Variants in CCDC102B observed in about 807,000 individuals in gnomAD.
CCDC102B encodes the protein coiled-coil domain-containing protein 102B.
A neutral mutation model predicts 57.4 loss-of-function variants in CCDC102B; 75 were observed. The ratio of observed to expected loss-of-function variants is 1.31; its 90% CI spans 1.08 to 1.58. CCDC102B has a LOEUF of 1.58. CCDC102B is among the 40% of genes most tolerant of loss of function. The pLI, the probability that CCDC102B is intolerant of heterozygous loss-of-function variation, is 0.00. For missense variants in CCDC102B, 636 were observed against 582.6 expected, an observed-to-expected ratio of 1.09 and a Z score of -0.94; for synonymous variants, 206 against 201.9, an observed-to-expected ratio of 1.02 and a Z score of -0.17.
downstream of CCDC102B, among the ~76,000 whole-genome samples, chr18:69,055,797 A>G (rs2052806409): frequency 1.3e-5 from 2 of 152,092 alleles, 1 homozygote; most frequent in African/African-American, 4.8e-5. Context: ...CAATCTCTAG[A>G]TAAAAACACA....
chr18:69,003,012 A>G (rs2051246827), intron 6 of CCDC102B, among the ~76,000 whole-genome samples: 1 of 152,158 alleles, frequency 6.6e-6, no homozygotes, highest in Non-Finnish European at 1.5e-5. Context: ...CTCCAATGCT[A>G]TCTTCCAGTC....
chr18:68,953,137 T>C (rs1209249953), intron 6 of CCDC102B, among the ~76,000 whole-genome samples: 2 of 152,152 alleles, frequency 1.3e-5, no homozygotes, highest in Non-Finnish European at 2.9e-5. Context: ...AGGATGATTA[T>C]ATTTTTACAA....
intron 6 of CCDC102B, among the ~76,000 whole-genome samples, chr18:68,960,232 T>C (rs1485998808): frequency 6.6e-6 from 1 of 152,174 alleles, no homozygotes; most frequent in East Asian, 1.9e-4. Flanking sequence ...GACTGTATCC[T>C]TCCCTTTAAG....
At chr18:68,879,129 CTCGCTGGTT>C in intron 5 of CCDC102B, among the ~76,000 whole-genome samples, 1 of 150,284 alleles carries the variant, frequency 6.7e-6, no homozygotes, top group African/African-American at 2.5e-5. Context: ...GGCTCGTGGT[CTCGCTGGTT>C]TCAGGAGTGA....
chr18:68,879,959 A>C (rs2144952372), intron 5 of CCDC102B, among the ~76,000 whole-genome samples: 1 of 152,350 alleles, frequency 6.6e-6, no homozygotes, highest in East Asian at 1.9e-4. Flanking sequence ...CCAGGGCTGC[A>C]GGTGGAGCTG....
chr18:68,835,924 C>A (rs1472542534), intron 1 of CCDC102B, among the ~76,000 whole-genome samples: 2 of 152,162 alleles, frequency 1.3e-5, no homozygotes, highest in East Asian at 3.9e-4. Context: ...GACCCTATGG[C>A]TGCCTTGAGA....
chr18:68,906,632 A>G (rs1198409568), intron 6 of CCDC102B, among the ~76,000 whole-genome samples: 1 of 152,080 alleles, frequency 6.6e-6, no homozygotes, highest in African/African-American at 2.4e-5. Flanking sequence ...GGCCATTTGT[A>G]TATCTTCTTG....
At chr18:68,904,161 C>A (rs1375832257) in intron 6 of CCDC102B, among the ~76,000 whole-genome samples, 14 of 151,918 alleles carry the variant, frequency 9.2e-5, no homozygotes, top group Admixed American at 9.2e-4. Flanking sequence ...TGGATCATTT[C>A]TTGTTTATCT....
chr18:68,897,578 G>C (rs2040289769), intron 6 of CCDC102B, 150 bp downstream of exon 6: 1 of 1,579,290 alleles, frequency 6.3e-7, no homozygotes, highest in South Asian at 1.1e-5. Flanking sequence ...TGCCCACTAG[G>C]ATGTAAAATA....
chr18:68,858,952 C>T (rs2038610634), intron 4 of CCDC102B: 1 of 152,304 alleles, frequency 6.6e-6, no homozygotes, highest in Admixed American at 6.6e-5. Flanking sequence ...TTCGGCAGCA[C>T]ATATACTAAA....
intron 2 of CCDC102B, among the ~76,000 whole-genome samples, chr18:68,745,555 A>G (rs1346803035): frequency 6.6e-6 from 1 of 152,156 alleles, no homozygotes; most frequent in African/African-American, 2.4e-5. Context: ...GAGCGTATCT[A>G]TCACCTCAAA....
chr18:68,873,902 A>G lies in CCDC102B; in HGVS notation c.937-767A>G, dbSNP rs192011826. On this transcript the variant is annotated intron_variant, in intron 4 of 7. Coordinates refer to ENST00000360242, the MANE Select transcript of CCDC102B (RefSeq NM_024781.3). The stretch of plus-strand genomic sequence containing the variant: ...AAAACATAGCTTAAAATATATGTCA[A>G]TGCAACAAAACATAGCTTAAAATAT... Among the ~76,000 whole-genome samples, 383 of 151,722 alleles carry G rather than the reference A, an allele frequency of 2.5e-3. 3 individuals are homozygous for G. Among genetic ancestry groups the G allele is most frequent in the African/African-American group, 8.8e-3 (365 of 41,498 alleles).
intron 4 of CCDC102B, among the ~76,000 whole-genome samples, chr18:68,865,194 C>G (rs1017876350): frequency 4.6e-5 from 7 of 152,074 alleles, no homozygotes; most frequent in African/African-American, 1.7e-4. Context: ...ATTGGCCTGA[C>G]ACATTTGTCA....
At chr18:68,949,595 C>T (rs764065788) in intron 6 of CCDC102B, among the ~76,000 whole-genome samples, 4 of 152,032 alleles carry the variant, frequency 2.6e-5, no homozygotes, top group Non-Finnish European at 5.9e-5. Context: ...GTGGTTGCAT[C>T]GTTGTCATCT....
At chr18:68,958,922 T>A (rs1232531944) in intron 6 of CCDC102B, among the ~76,000 whole-genome samples, 2 of 152,192 alleles carry the variant, frequency 1.3e-5, no homozygotes, top group African/African-American at 4.8e-5. Context: ...ATATTTTATT[T>A]TTGTTGAGAT....
chr18:68,831,693 TA>T (rs2037147863), intron 1 of CCDC102B, among the ~76,000 whole-genome samples: 1 of 152,170 alleles, frequency 6.6e-6, no homozygotes, highest in South Asian at 2.1e-4. Context: ...TAAGGATTTT[TA>T]AAATAGAATA....
chr18:68,796,060 A>G (rs17079710), upstream of CCDC102B, among the ~76,000 whole-genome samples: 20,771 of 152,186 alleles, frequency 0.14, 1,639 homozygotes, highest in East Asian at 0.34. Flanking sequence ...AAAAGATTAA[A>G]AAACCTTCAT....
rs1408129993 is a variant in CCDC102B, at chr18:69,054,209, A to G, written c.*72A>G. 23 of 1,449,770 alleles carry G rather than the reference A, an allele frequency of 1.6e-5. No individual in the cohort carries two copies. The highest frequency in any genetic ancestry group is 1.0e-5 in the Non-Finnish European group (11 of 1,103,622). 89.8% of individuals were successfully genotyped at this position (1,449,770 alleles called of 1,614,324 possible). On this transcript the variant is annotated 3_prime_UTR_variant, in exon 8 of 8. Transcript: ENST00000360242. ...TTTCCATATCCTTTTCTTAAATATC[A>G]GTAAAATTGTTTTTATTAACTAGAA...
At chr18:68,996,825 T>G (rs1450913377) in intron 6 of CCDC102B, among the ~76,000 whole-genome samples, 1 of 152,106 alleles carries the variant, frequency 6.6e-6, no homozygotes, top group Non-Finnish European at 1.5e-5. Flanking sequence ...CATGATTGGT[T>G]TTGAAATGTG....
Sources: allele counts gnomAD v4.1 joint callset (sites outside exome capture counted in the v4.1 genomes callset), GRCh38; gene constraint gnomAD v4.1.1; transcripts MANE v1.5; gene names NCBI Gene and HGNC (gene_info 2026-07-23, HGNC 2026-07-21).